BCAR1: variants seen among roughly 807,000 people sequenced by gnomAD.
BCAR1 encodes breast cancer anti-estrogen resistance protein 1.
Under a neutral mutation model 67.6 loss-of-function variants are expected in BCAR1, and 30 were observed. That is an observed-to-expected ratio of 0.44 (90% CI 0.33 to 0.60). The LOEUF (loss-of-function observed/expected upper bound fraction) is 0.60. BCAR1 is among the 20% of genes least tolerant of loss of function. The pLI is 0.02. For missense variants in BCAR1, 1,313 were observed against 1,222.3 expected (o/e 1.07, Z -1.11); for synonymous variants, 626 against 556.7 (o/e 1.12, Z -1.75).
intron 2 of BCAR1, among the ~76,000 whole-genome samples, chr16:75,239,620 C>A (rs1314290545): frequency 1.3e-5 from 2 of 152,186 alleles, no homozygotes; most frequent in Admixed American, 1.3e-4. Context: ...CCGGCTCTGG[C>A]ACCCCCAGGT....
intron 1 of BCAR1, among the ~76,000 whole-genome samples, chr16:75,258,899 G>A (rs1216544778): frequency 6.6e-6 from 1 of 152,182 alleles, no homozygotes; most frequent in Non-Finnish European, 1.5e-5. Context: ...TCTGCCTGGA[G>A]GGGTGCCTTG....
chr16:75,240,685 A>G lies in BCAR1; in HGVS notation c.633+1785T>C, dbSNP rs570638177. ...AGCATTGCTTTTGTGATCATAAAAT[A>G]CAAGCAGACACAATCAAGACTGGGG... On this transcript the variant is annotated intron_variant, in intron 2 of 6. Transcript: ENST00000162330. 7.9e-5 allele frequency among the ~76,000 whole-genome samples: 12 copies of G among 152,322 alleles called. No individual in the cohort carries two copies. In the South Asian group the frequency reaches 2.1e-3, roughly 26 times the overall value.
At chr16:75,248,154 G>A (rs973877988) in intron 1 of BCAR1, 102 of 1,586,492 alleles carry the variant, frequency 6.4e-5, no homozygotes, top group African/African-American at 5.4e-4. Context: ...GCTGAGACAC[G>A]GTGGAGCTGG....
At chr16:75,254,188 G>T (rs2151467373), upstream of BCAR1, among the ~76,000 whole-genome samples, 1 of 152,208 alleles carries the variant, frequency 6.6e-6, no homozygotes, top group East Asian at 1.9e-4. Context: ...AAGGGACAGG[G>T]CCAGGGAAGA....
At chr16:75,236,619 C>A (rs1169919649) in intron 4 of BCAR1, 1 of 546,068 alleles carries the variant, frequency 1.8e-6, no homozygotes. Context: ...GGTGAGATGA[C>A]ACATCCCGTG....
intron 1 of BCAR1, among the ~76,000 whole-genome samples, chr16:75,266,962 G>A (rs938485704): frequency 6.6e-6 from 1 of 152,216 alleles, no homozygotes; most frequent in Admixed American, 6.5e-5. Context: ...CATGTGGGGG[G>A]CGGGCCCTTC....
chr16:75,248,452 G>T, intron 1 of BCAR1: 2 of 866,814 alleles, frequency 2.3e-6, no homozygotes, highest in South Asian at 2.6e-5. Flanking sequence ...CGCCCAACTG[G>T]CCATCCGCAC....
chr16:75,246,182 G>A (rs1365875823), intron 1 of BCAR1: 1 of 151,736 alleles, frequency 6.6e-6, no homozygotes, highest in African/African-American at 2.4e-5. Context: ...TGTTGCCCAG[G>A]GTGGTCTCAA....
At chr16:75,257,711 C>T (rs1302583737) in intron 1 of BCAR1, among the ~76,000 whole-genome samples, 1 of 152,232 alleles carries the variant, frequency 6.6e-6, no homozygotes, top group Non-Finnish European at 1.5e-5. Context: ...CCCGCCTTGA[C>T]TTCCCAAAGT....
intron 6 of BCAR1, 127 bp downstream of exon 6, chr16:75,233,719 G>T: frequency 1.1e-6 from 1 of 934,530 alleles, no homozygotes; most frequent in Non-Finnish European, 1.6e-6. Context: ...GGCAGGCCGG[G>T]CCCAGCTCTG....
intron 2 of BCAR1, 72 bp from the exon 3 acceptor site, chr16:75,237,416 G>A (rs962958596): frequency 1.2e-5 from 17 of 1,394,878 alleles, no homozygotes; most frequent in African/African-American, 1.2e-4. Context: ...ACACCTGGGA[G>A]CCACGTCCTT....
chr16:75,243,146 G>T (rs747713907), intron 1 of BCAR1, 56 bp from the exon 2 acceptor site: 6 of 1,505,088 alleles, frequency 4.0e-6, no homozygotes, highest in South Asian at 2.6e-5. Context: ...GGCGTCAGGG[G>T]CTCCCCAGCT....
At chr16:75,247,897 GT>G in intron 1 of BCAR1, 1 of 698,272 alleles carries the variant, frequency 1.4e-6, no homozygotes, top group Non-Finnish European at 2.6e-6. Flanking sequence ...AGACCCCAGG[GT>G]TGGGGGCAGA....
upstream of BCAR1, among the ~76,000 whole-genome samples, chr16:75,252,948 C>CA (rs1307404565): frequency 1.3e-4 from 20 of 152,176 alleles, no homozygotes; most frequent in Non-Finnish European, 4.4e-5. Flanking sequence ...CCACCCCTCC[C>CA]AAAAAACTGG....
chr16:75,246,376 A>G (rs536511683), intron 1 of BCAR1: 53 of 152,340 alleles, frequency 3.5e-4, no homozygotes, highest in African/African-American at 1.3e-3. Context: ...CCGGGCCTAT[A>G]CTGTAGTGGG....
At chr16:75,256,578 C>T (rs1416048258), upstream of BCAR1, among the ~76,000 whole-genome samples, 1 of 152,142 alleles carries the variant, frequency 6.6e-6, no homozygotes, top group African/African-American at 2.4e-5. Flanking sequence ...TCCAGCCCTA[C>T]GCCTCCACTT....
At chr16:75,248,135 C>T (rs982526444) in intron 1 of BCAR1, 65 of 1,594,876 alleles carry the variant, frequency 4.1e-5, no homozygotes, top group African/African-American at 2.9e-4. Context: ...CAGCAGAGGC[C>T]GACCCCAGGC....
At position 75,238,683 on chromosome 16, in the gene BCAR1, C is replaced by T. The variant is rs538092494; in HGVS notation, c.634-1339G>A. 8.1e-4 allele frequency: 802 copies of T among 985,834 alleles called. 1 individual carries two copies. The highest frequency in any genetic ancestry group is 9.3e-4 in the Non-Finnish European group (771 of 830,226). 61.1% of individuals were successfully genotyped at this position (985,834 alleles called of 1,614,324 possible). ...GCTGGGGGCCTCCGTGGGGTGTCCCCGCCCCCTTCCAGTGCGTCTGGGAGT... is the reference window on the plus strand; with the variant it reads ...GCTGGGGGCCTCCGTGGGGTGTCCCTGCCCCCTTCCAGTGCGTCTGGGAGT... On this transcript the variant is annotated intron_variant, in intron 2 of 6. Transcript: ENST00000162330.
rs2076818770 is a variant in BCAR1, at chr16:75,229,565, C to T, written c.2559G>A (p.Leu853=). ...GGCGGAACTGCTGGGTGCTGTGGCC[C>T]AGCTCCTTGACCCTCTCCACCATGT... The part of the protein sequence containing the change: ...AQDMVERVKE[L]GHSTQQFRRV... The change falls in exon 7 of 7, where the codon CTG becomes CTA. Residue 853 remains leucine (L), a synonymous_variant. Coordinates refer to ENST00000162330, the MANE Select transcript of BCAR1 (RefSeq NM_014567.5). The T allele has an allele frequency of 1.2e-6, 2 of 1,607,750 alleles. No individual in the cohort carries two copies. Among genetic ancestry groups the T allele is most frequent in the Admixed American group, 1.7e-5 (1 of 59,696 alleles).
Sources: gnomAD v4.1 joint callset for allele counts (sites outside exome capture counted in the v4.1 genomes callset) on GRCh38, gnomAD v4.1.1 for gene constraint, MANE v1.5 for transcripts, NCBI Gene and HGNC (gene_info 2026-07-23, HGNC 2026-07-21) for gene names.